TRPC4: variants seen among roughly 807,000 people sequenced by gnomAD.
TRPC4 encodes short transient receptor potential channel 4.
TRPC4 carries 49 observed loss-of-function variants against 99.4 expected under a neutral mutation model. That is an observed-to-expected ratio of 0.49 (90% confidence interval 0.39 to 0.63). The LOEUF (loss-of-function observed/expected upper bound fraction) is 0.63, where lower values mean the gene tolerates loss of function less well. Among genes scored for constraint, TRPC4 ranks in the 20% least tolerant of loss-of-function variants. TRPC4 has a pLI of 0.00. For synonymous variants in TRPC4, 454 were observed against 425.9 expected (o/e 1.07, Z -0.81); for missense variants, 898 against 1,152.9 (o/e 0.78, Z 3.20).
chr13:37,675,742 C>T (rs755691843), intron 4 of TRPC4, among the ~76,000 whole-genome samples: 2 of 152,116 alleles, frequency 1.3e-5, no homozygotes, highest in Non-Finnish European at 2.9e-5. Context: ...AAAAGGAGGG[C>T]ATCGATCATG....
chr13:37,655,060 TG>T (rs1448458502), intron 7 of TRPC4, 27 bp downstream of exon 7: 2 of 1,441,996 alleles, frequency 1.4e-6, no homozygotes, highest in Non-Finnish European at 1.8e-6. Flanking sequence ...GAGGAAACAT[TG>T]AATTAAAATA....
chr13:37,757,531 G>A (rs1287345922), intron 2 of TRPC4, among the ~76,000 whole-genome samples: 1 of 151,888 alleles, frequency 6.6e-6, no homozygotes, highest in African/African-American at 2.4e-5. Context: ...TTCTGGAAAG[G>A]AATGTATGAT....
intron 1 of TRPC4, among the ~76,000 whole-genome samples, chr13:37,836,508 A>G (rs1188428567): frequency 1.3e-5 from 2 of 152,118 alleles, no homozygotes; most frequent in Non-Finnish European, 2.9e-5. Flanking sequence ...AATTTTTGGG[A>G]ACTGGAGTAA....
At chr13:37,768,870 T>C (rs1177650970) in intron 2 of TRPC4, among the ~76,000 whole-genome samples, 4 of 151,426 alleles carry the variant, frequency 2.6e-5, no homozygotes, top group African/African-American at 9.7e-5. Flanking sequence ...ACTTTCTGCT[T>C]TTTGGATCAG....
chr13:37,746,417 G>T lies in TRPC4; in HGVS notation c.417C>A (p.Phe139Leu), dbSNP rs1168284229. ...AAATGATTGGTGTAATGTCTGGAGTGAATTCAGAGAACTGCTTATCAAGGA... is the reference window on the plus strand; with the variant it reads ...AAATGATTGGTGTAATGTCTGGAGTTAATTCAGAGAACTGCTTATCAAGGA... ...PILLDKQFSE[F>L]TPDITPIILA... Residue 139 changes from phenylalanine (F) to leucine (L), a missense_variant, in exon 3 of 11, where the codon TTC becomes TTA. This residue lies in a region of TRPC4 where 278 missense variants were observed against 346.6 expected (regional missense o/e 0.80). Transcript: ENST00000379705. 2 of 1,611,752 alleles carry T rather than the reference G, an allele frequency of 1.2e-6. No homozygotes were observed. The highest frequency in any genetic ancestry group is 2.2e-5 in the East Asian group (1 of 44,734).
At chr13:37,787,058 T>A (rs1956989513) in intron 1 of TRPC4, among the ~76,000 whole-genome samples, 2 of 152,012 alleles carry the variant, frequency 1.3e-5, no homozygotes, top group Non-Finnish European at 2.9e-5. Context: ...TATATGTATC[T>A]GAAGGCATAT....
intron 8 of TRPC4, among the ~76,000 whole-genome samples, chr13:37,650,820 A>AC (rs35382257): frequency 0.37 from 56,859 of 151,980 alleles, 11,126 homozygotes; most frequent in African/African-American, 0.45. Flanking sequence ...TTGTGCAGGG[A>AC]CTTTGTTAGG....
chr13:37,861,965 T>A (rs992621853), intron 1 of TRPC4, among the ~76,000 whole-genome samples: 1 of 151,526 alleles, frequency 6.6e-6, no homozygotes, highest in Non-Finnish European at 1.5e-5. Flanking sequence ...AATGGTTTTT[T>A]TTAAAAAGGA....
chr13:37,737,012 T>A (rs550708529), intron 3 of TRPC4, among the ~76,000 whole-genome samples: 276 of 151,434 alleles, frequency 1.8e-3, no homozygotes, highest in Middle Eastern at 6.8e-3. Context: ...GGATTACAGA[T>A]GTAAGCCAGC....
At chr13:37,772,714 A>C (rs920407559) in intron 2 of TRPC4, among the ~76,000 whole-genome samples, 1 of 151,718 alleles carries the variant, frequency 6.6e-6, no homozygotes, top group Admixed American at 6.6e-5. Flanking sequence ...AATTTATATC[A>C]AAAAAGGGTT....
At chr13:37,711,217 C>A (rs978862514) in intron 3 of TRPC4, among the ~76,000 whole-genome samples, 1 of 151,804 alleles carries the variant, frequency 6.6e-6, no homozygotes, top group African/African-American at 2.4e-5. Flanking sequence ...TCACAAATAA[C>A]TTTTTGGAAC....
chr13:37,651,197 T>C, intron 8 of TRPC4, 68 bp downstream of exon 8: 1 of 1,569,394 alleles, frequency 6.4e-7, no homozygotes, highest in Non-Finnish European at 8.7e-7. Context: ...ACATGTACAA[T>C]AAAGAATACA....
chr13:37,742,956 T>G (rs1397539642), intron 3 of TRPC4, among the ~76,000 whole-genome samples: 1 of 152,184 alleles, frequency 6.6e-6, no homozygotes. Context: ...AATGTTATTT[T>G]GCTTTGGGAA....
intron 5 of TRPC4, among the ~76,000 whole-genome samples, chr13:37,667,602 C>G (rs1440339862): frequency 6.6e-6 from 1 of 152,204 alleles, no homozygotes; most frequent in Admixed American, 6.5e-5. Context: ...GCCACGGCAC[C>G]CAGCCCTCCT....
intron 4 of TRPC4, among the ~76,000 whole-genome samples, chr13:37,686,876 C>G (rs533161093): frequency 6.6e-6 from 1 of 152,134 alleles, no homozygotes; most frequent in Non-Finnish European, 1.5e-5. Context: ...AATGTCACGT[C>G]GCTTCAGCAG....
chr13:37,793,698 G>T (rs1177153717), intron 1 of TRPC4, among the ~76,000 whole-genome samples: 2 of 152,020 alleles, frequency 1.3e-5, no homozygotes, highest in Non-Finnish European at 2.9e-5. Flanking sequence ...GTTATTGTGT[G>T]CCATGTGATC....
At chr13:37,652,627 CTT>C (rs1952085883) in intron 7 of TRPC4, among the ~76,000 whole-genome samples, 1 of 866 alleles carries the variant, frequency 1.2e-3, no homozygotes, top group Non-Finnish European at 7.6e-3. Context: ...TTTCCTTTCT[CTT>C]TCTTTCTAGA....
chr13:37,815,498 G>A lies in TRPC4; in HGVS notation c.-27-32138C>T, dbSNP rs147540886. Among the ~76,000 whole-genome samples, 1,069 of 151,678 alleles carry A rather than the reference G, an allele frequency of 7.0e-3. 13 individuals are homozygous for A. The highest frequency in any genetic ancestry group is 0.012 in the Non-Finnish European group (796 of 67,736). On this transcript the variant is annotated intron_variant, in intron 1 of 10. Coordinates refer to ENST00000379705, the MANE Select transcript of TRPC4 (RefSeq NM_016179.4). ...ATTTCAGACAAAACAGACTTTAAAC[G>A]ACAGTGATCAAAAAAGACAAAGAAG... is the stretch of plus-strand genomic sequence containing the variant.
chr13:37,841,809 C>T (rs1340270661), intron 1 of TRPC4, among the ~76,000 whole-genome samples: 1 of 152,090 alleles, frequency 6.6e-6, no homozygotes, highest in East Asian at 1.9e-4. Flanking sequence ...AATGTTACAA[C>T]TAACTGCTCT....
Sources: gnomAD v4.1 joint callset for allele counts (sites outside exome capture counted in the v4.1 genomes callset) on GRCh38, gnomAD v4.1.1 for gene constraint, gnomAD v4.1.1 regional missense constraint, MANE v1.5 for transcripts, NCBI Gene and HGNC (gene_info 2026-07-23, HGNC 2026-07-21) for gene names.